The following MAML1 variants were observed in gnomAD, a reference collection of about 807,000 sequenced individuals.
MAML1 encodes mastermind-like protein 1.
MAML1 carries 14 observed loss-of-function variants against 77.1 expected under a neutral mutation model. The observed-to-expected ratio is 0.18, with a 90% CI of 0.12 to 0.28. The LOEUF (loss-of-function observed/expected upper bound fraction) is 0.28. MAML1 is among the 10% of genes least tolerant of loss of function. MAML1 has a pLI of 1.00. For synonymous variants in MAML1, 516 were observed against 551.9 expected (o/e 0.93, Z 0.91); for missense variants, 1,217 against 1,327.8 (o/e 0.92, Z 1.30).
rs535020088 is a variant in MAML1, at chr5:179,741,316, C to T, written c.315+7889C>T. ...GATGATACACAGGTCATTGCAAAGCCGAGTTCAGGGCTAAAGCCTGTGAGA... is the reference window on the plus strand; with the variant it reads ...GATGATACACAGGTCATTGCAAAGCTGAGTTCAGGGCTAAAGCCTGTGAGA... On this transcript the variant is annotated intron_variant, in intron 1 of 4. Transcript: ENST00000292599. 1.5e-4 allele frequency among the ~76,000 whole-genome samples: 23 copies of T among 152,236 alleles called. No homozygotes were observed. The Middle Eastern group carries it at 0.014, about 90-fold the overall frequency.
At chr5:179,733,958 A>G (rs1203685429) in intron 1 of MAML1, among the ~76,000 whole-genome samples, 5 of 152,250 alleles carry the variant, frequency 3.3e-5, no homozygotes, top group African/African-American at 7.2e-5. Flanking sequence ...TAAAATGTTC[A>G]ATGAGTTGCA....
chr5:179,768,427 A>G (rs550344173), intron 2 of MAML1, among the ~76,000 whole-genome samples: 79 of 152,364 alleles, frequency 5.2e-4, no homozygotes, highest in Admixed American at 1.4e-3. Context: ...ATTGCACTCC[A>G]GCCTGGGCAA....
At chr5:179,755,851 A>G (rs925276701) in intron 1 of MAML1, among the ~76,000 whole-genome samples, 1 of 150,440 alleles carries the variant, frequency 6.6e-6, no homozygotes, top group African/African-American at 2.4e-5. Flanking sequence ...TGCAACCTCT[A>G]CCTCCCAGGT....
Position 179,733,102 on chromosome 5 carries a change from G to T in MAML1, c.-11G>T. ...CCCGGCCCCGGGCCCGGCCCGTGCA[G>T]CCCGCGGCCCATGGTGCTGCCCACC... On this transcript the variant is annotated 5_prime_UTR_variant, in exon 1 of 5. Transcript: ENST00000292599. 7.2e-7 allele frequency: 1 copy of T among 1,381,922 alleles called. No individual in the cohort carries two copies. Among genetic ancestry groups the T allele is most frequent in the South Asian group, 1.5e-5 (1 of 67,810 alleles). 85.6% of individuals were successfully genotyped at this position (1,381,922 alleles called of 1,614,324 possible).
chr5:179,733,533 G>A, intron 1 of MAML1, 106 bp downstream of exon 1: 1 of 889,302 alleles, frequency 1.1e-6, no homozygotes, highest in Non-Finnish European at 1.4e-6. Flanking sequence ...AGGCGTCCGC[G>A]ACTCCTGGAT....
chr5:179,748,843 A>G (rs964616241), intron 1 of MAML1, among the ~76,000 whole-genome samples: 4 of 143,544 alleles, frequency 2.8e-5, no homozygotes, highest in Non-Finnish European at 6.4e-5. Flanking sequence ...AAGCAAAAAG[A>G]GAATTGGAAC....
chr5:179,745,797 G>A (rs1332559079), intron 1 of MAML1, among the ~76,000 whole-genome samples: 2 of 147,602 alleles, frequency 1.4e-5, no homozygotes, highest in South Asian at 2.1e-4. Flanking sequence ...GAGGCGGAGC[G>A]TGGAGTGAGC....
intron 1 of MAML1, among the ~76,000 whole-genome samples, chr5:179,750,567 TCTC>T (rs199751431): frequency 0.014 from 2,142 of 152,212 alleles, 23 homozygotes; most frequent in Non-Finnish European, 0.021. Flanking sequence ...CTCAAGCTAT[TCTC>T]CTGCTTCAGT....
rs759926528 is a variant in MAML1, at chr5:179,768,942, C to T, written c.1824C>T (p.Ser608=). The change falls in exon 3 of 5, where the codon AGC becomes AGT. Residue 608 remains serine, a synonymous_variant. Transcript: ENST00000292599. ...PAVSVASSHN[S]SPYLSSQQQA... ...TGTCCGTGGCCAGCTCCCACAACAG[C>T]TCCCCCTATCTCAGCAGCCAGCAAC... 1 of 1,614,226 alleles carries T rather than the reference C, an allele frequency of 6.2e-7. No individual in the cohort carries two copies. The highest frequency in any genetic ancestry group is 8.5e-7 in the Non-Finnish European group (1 of 1,180,050).
At chr5:179,738,276 T>C (rs755669080) in intron 1 of MAML1, among the ~76,000 whole-genome samples, 17 of 152,126 alleles carry the variant, frequency 1.1e-4, no homozygotes, top group Non-Finnish European at 4.4e-5. Context: ...ACCTCATAGC[T>C]CTCTGCTGCC....
chr5:179,757,455 C>A (rs1581937291), intron 1 of MAML1, among the ~76,000 whole-genome samples: 3 of 151,990 alleles, frequency 2.0e-5, no homozygotes, highest in African/African-American at 7.2e-5. Context: ...GTCATCCCAG[C>A]TACTCGGGAG....
At chr5:179,737,661 TC>T (rs1562544154) in intron 1 of MAML1, among the ~76,000 whole-genome samples, 1 of 152,132 alleles carries the variant, frequency 6.6e-6, no homozygotes, top group African/African-American at 2.4e-5. Flanking sequence ...AGAGTTTACT[TC>T]ACTTCAGATT....
Position 179,774,662 on chromosome 5 carries a change from G to A in MAML1, c.2836G>A (p.Ala946Thr). ...PELGAFSQSP[A>T]SQMGGRAGLH... ...GCTGGGGGCCTTCAGCCAGAGCCCTGCCTCACAGATGGGCGGTCGGGCGGG... is the reference window on the plus strand; with the variant it reads ...GCTGGGGGCCTTCAGCCAGAGCCCTACCTCACAGATGGGCGGTCGGGCGGG... The change falls in exon 5 of 5, where the codon GCC becomes ACC. Residue 946 changes from alanine to threonine, a missense_variant. Transcript: ENST00000292599. The A allele has an allele frequency of 6.2e-7, 1 of 1,610,646 alleles. No homozygotes were observed. Among genetic ancestry groups the A allele is most frequent in the Non-Finnish European group, 8.5e-7 (1 of 1,179,418 alleles).
chr5:179,765,734 C>G lies in MAML1; in HGVS notation c.724C>G (p.Pro242Ala), dbSNP rs747545832. The G allele has an allele frequency of 1.2e-6, 2 of 1,613,728 alleles. No homozygotes were observed. Among genetic ancestry groups the G allele is most frequent in the Non-Finnish European group, 1.7e-6 (2 of 1,179,864 alleles). The change falls in exon 2 of 5, where the codon CCA (proline) becomes GCA (alanine). Residue 242 changes from proline to alanine, a missense_variant. This residue lies in a region of MAML1 where 21 missense variants were observed against 47.1 expected (regional missense o/e 0.45). Coordinates refer to ENST00000292599, the MANE Select transcript of MAML1 (RefSeq NM_014757.5). The part of the protein sequence containing the change: ...VGSISQSNLM[P>A]DLNLNEQEWK... ...CTCCATATCGCAAAGCAACCTCATG[C>G]CAGACCTCAACCTTAACGAGCAGGA...
At chr5:179,770,105 TC>T (rs1248050852) in intron 3 of MAML1, among the ~76,000 whole-genome samples, 1 of 152,146 alleles carries the variant, frequency 6.6e-6, no homozygotes, top group Non-Finnish European at 1.5e-5. Flanking sequence ...GCAGCCATTC[TC>T]CCATCCACCC....
In MAML1 at chr5:179,769,532, A is replaced by G. The variant is rs1244841573; in HGVS notation, c.1971+443A>G. Among the ~76,000 whole-genome samples the G allele has an allele frequency of 1.3e-5, 2 of 151,364 alleles. No individual in the cohort carries two copies. The highest frequency in any genetic ancestry group is 2.9e-5 in the Non-Finnish European group (2 of 67,942). On this transcript the variant is annotated intron_variant, in intron 3 of 4. Coordinates refer to ENST00000292599, the MANE Select transcript of MAML1 (RefSeq NM_014757.5). The surrounding 1 kb of genome is among the most constrained non-coding windows in gnomAD (Gnocchi z 4.2). ...CGCTTGGTTAGCAAGTGTAGTGTGC[A>G]GGCACTAAGGGTTACAAGTGAGAGT... is the stretch of plus-strand genomic sequence containing the variant.
At chr5:179,744,902 ATTTT>A in intron 1 of MAML1, among the ~76,000 whole-genome samples, 1 of 146,018 alleles carries the variant, frequency 6.8e-6, no homozygotes, top group African/African-American at 2.5e-5. Context: ...TGCATTATAA[ATTTT>A]TTTTTTTTTT....
intron 1 of MAML1, among the ~76,000 whole-genome samples, chr5:179,741,197 C>T (rs1176101255): frequency 1.3e-5 from 2 of 152,164 alleles, no homozygotes; most frequent in Non-Finnish European, 2.9e-5. Context: ...TCCCAGCGTT[C>T]AGTTGGTGGT....
Position 179,771,011 on chromosome 5 carries a change from A to G in MAML1, c.1972-136A>G. The G allele has an allele frequency of 1.5e-6, 1 of 652,512 alleles. No individual in the cohort carries two copies. The highest frequency in any genetic ancestry group is 1.7e-5 in the South Asian group (1 of 57,384). The allele number at this position is 652,512 out of a possible 1,614,324, so 40.4% of individuals were successfully genotyped here. On this transcript the variant is annotated intron_variant, in intron 3 of 4. Coordinates refer to ENST00000292599, the MANE Select transcript of MAML1 (RefSeq NM_014757.5). The surrounding 1 kb of genome is among the most constrained non-coding windows in gnomAD (Gnocchi z 4.7). ...TACTATTTAAAAACCCCAAAATGAA[A>G]TCAGCACTATTTCCACAGGAGCCCA...
Sources: allele counts gnomAD v4.1 joint callset (sites outside exome capture counted in the v4.1 genomes callset), GRCh38; gene constraint gnomAD v4.1.1; regional missense constraint gnomAD v4.1.1; non-coding constraint Gnocchi (gnomAD v3.1); transcripts MANE v1.5; gene names NCBI Gene and HGNC (gene_info 2026-07-23, HGNC 2026-07-21).